NTNG1: variants seen among roughly 807,000 people sequenced by gnomAD.
NTNG1 encodes netrin G1, also known as netrin-G1.
In NTNG1, 16 loss-of-function variants were observed where a neutral mutation model predicts 54.0. The observed-to-expected ratio is 0.30, with a 90% CI of 0.20 to 0.45. NTNG1 has a LOEUF of 0.45. NTNG1 is among the 20% of genes least tolerant of loss of function. The pLI is 1.00. For missense variants in NTNG1, 530 were observed against 678.7 expected (o/e 0.78, Z 2.43); for synonymous variants, 255 against 263.1 (o/e 0.97, Z 0.30).
chr1:107,260,196 A>T (rs1243890442), intron 2 of NTNG1, among the ~76,000 whole-genome samples: 1 of 152,264 alleles, frequency 6.6e-6, no homozygotes, highest in Non-Finnish European at 1.5e-5. Flanking sequence ...TCATATAAAG[A>T]TGAATGAGCT....
chr1:107,311,646 A>T (rs1423345109), intron 2 of NTNG1, among the ~76,000 whole-genome samples: 1 of 152,110 alleles, frequency 6.6e-6, no homozygotes, highest in African/African-American at 2.4e-5. Context: ...AATCCATTCC[A>T]TCTTATCCCA....
chr1:107,316,997 T>A (rs1667373110), intron 2 of NTNG1, among the ~76,000 whole-genome samples: 1 of 152,200 alleles, frequency 6.6e-6, no homozygotes, highest in African/African-American at 2.4e-5. Context: ...GATCAAGCGA[T>A]CACTTCAGCA....
chr1:107,303,980 C>G (rs1172778128), intron 2 of NTNG1, among the ~76,000 whole-genome samples: 1 of 151,654 alleles, frequency 6.6e-6, no homozygotes, highest in African/African-American at 2.4e-5. Flanking sequence ...CCACCGCGCC[C>G]GCCTCTAATG....
intron 2 of NTNG1, among the ~76,000 whole-genome samples, chr1:107,185,984 A>C (rs934117124): frequency 1.3e-5 from 2 of 152,102 alleles, no homozygotes; most frequent in Non-Finnish European, 2.9e-5. Context: ...AATATTGTAC[A>C]TTGTACCCAC....
chr1:107,283,713 C>T (rs1490771099), intron 2 of NTNG1, among the ~76,000 whole-genome samples: 2 of 152,132 alleles, frequency 1.3e-5, no homozygotes, highest in African/African-American at 4.8e-5. Context: ...TTAGCTTCTT[C>T]AGTTTGCCAC....
At chr1:107,260,631 T>C (rs1349088070) in intron 2 of NTNG1, among the ~76,000 whole-genome samples, 1 of 152,202 alleles carries the variant, frequency 6.6e-6, no homozygotes, top group African/African-American at 2.4e-5. Flanking sequence ...AAGAACACAT[T>C]ACTTTTGAGA....
intron 2 of NTNG1, among the ~76,000 whole-genome samples, chr1:107,239,551 T>A (rs533251684): frequency 8.5e-4 from 130 of 152,374 alleles, no homozygotes; most frequent in African/African-American, 2.9e-3. Flanking sequence ...GATTAAATCC[T>A]ATCATTCTGA....
At chr1:107,422,562 T>C (rs1380986753) in intron 5 of NTNG1, among the ~76,000 whole-genome samples, 1 of 152,026 alleles carries the variant, frequency 6.6e-6, no homozygotes, top group Non-Finnish European at 1.5e-5. Flanking sequence ...TCAAATGATA[T>C]GTGTGGAAGA....
At chr1:107,161,630 C>T (rs112134548) in intron 2 of NTNG1, among the ~76,000 whole-genome samples, 5,489 of 148,462 alleles carry the variant, frequency 0.037, 109 homozygotes, top group African/African-American at 0.048. Flanking sequence ...CACTGCACGC[C>T]AGCCTGGGTG....
chr1:107,188,033 T>C (rs1414904674), intron 2 of NTNG1, among the ~76,000 whole-genome samples: 2 of 147,098 alleles, frequency 1.4e-5, no homozygotes, highest in African/African-American at 2.5e-5. Context: ...GTTACTTACC[T>C]CTGTGTGTAA....
intron 2 of NTNG1, among the ~76,000 whole-genome samples, chr1:107,207,509 C>A (rs1322891728): frequency 6.6e-6 from 1 of 152,142 alleles, no homozygotes; most frequent in Non-Finnish European, 1.5e-5. Flanking sequence ...TTAAAGGTAT[C>A]TTCATTCTGC....
chr1:107,260,525 A>G (rs1401907244), intron 2 of NTNG1, among the ~76,000 whole-genome samples: 1 of 152,184 alleles, frequency 6.6e-6, no homozygotes, highest in African/African-American at 2.4e-5. Flanking sequence ...GACAAAAGAA[A>G]GTCCTGGAGT....
chr1:107,315,230 A>T (rs1189426043), intron 2 of NTNG1, among the ~76,000 whole-genome samples: 1 of 152,126 alleles, frequency 6.6e-6, no homozygotes, highest in Non-Finnish European at 1.5e-5. Flanking sequence ...TATACCTTCC[A>T]TCCATCCTCT....
chr1:107,159,205 C>T (rs1236583810), intron 2 of NTNG1, among the ~76,000 whole-genome samples: 1 of 152,098 alleles, frequency 6.6e-6, no homozygotes, highest in East Asian at 1.9e-4. Flanking sequence ...ATGCCTGGGC[C>T]ACTCCATATG....
intron 2 of NTNG1, among the ~76,000 whole-genome samples, chr1:107,276,644 A>G (rs560789428): frequency 6.6e-6 from 1 of 152,170 alleles, no homozygotes. Context: ...CAGTGAAATT[A>G]TAGGGGTCAA....
chr1:107,412,101 C>CTT (rs11369988), intron 5 of NTNG1, among the ~76,000 whole-genome samples: 170 of 148,338 alleles, frequency 1.1e-3, no homozygotes, highest in East Asian at 6.3e-3. Flanking sequence ...TGTCAAGCCA[C>CTT]TTTTTTTTTT....
intron 2 of NTNG1, among the ~76,000 whole-genome samples, chr1:107,319,809 G>A (rs1667545269): frequency 6.6e-6 from 1 of 151,410 alleles, no homozygotes; most frequent in African/African-American, 2.4e-5. Context: ...GCTTGGAAAG[G>A]CAAAGTCAAA....
chr1:107,400,647 A>G (rs568045299), intron 4 of NTNG1, among the ~76,000 whole-genome samples: 2 of 124,076 alleles, frequency 1.6e-5, no homozygotes, highest in East Asian at 2.8e-4. Context: ...CGTTTGTGGA[A>G]TAAGTTTTTT....
intron 2 of NTNG1, among the ~76,000 whole-genome samples, chr1:107,192,225 CTGTT>C (rs1284906927): frequency 2.7e-5 from 4 of 150,582 alleles, no homozygotes; most frequent in Admixed American, 2.6e-4. Context: ...ATTTGGCTCT[CTGTT>C]TGTCTGTTAT....
Sources: allele counts gnomAD v4.1 joint callset (sites outside exome capture counted in the v4.1 genomes callset), GRCh38; gene constraint gnomAD v4.1.1; transcripts MANE v1.5; gene names NCBI Gene and HGNC (gene_info 2026-07-23, HGNC 2026-07-21).